SHISA9: variants seen among roughly 807,000 people sequenced by gnomAD.
SHISA9 encodes the protein shisa family member 9, also known as protein shisa-9.
Under a neutral mutation model 38.0 loss-of-function variants are expected in SHISA9, and 13 were observed. The ratio of observed to expected loss-of-function variants is 0.34; its 90% CI spans 0.22 to 0.54. The LOEUF (loss-of-function observed/expected upper bound fraction) is 0.54, where lower values mean the gene tolerates loss of function less well. SHISA9 is among the 20% of genes least tolerant of loss of function. SHISA9 has a pLI of 0.91. For missense variants in SHISA9, 538 were observed against 575.8 expected (o/e 0.93, Z 0.67); for synonymous variants, 275 against 242.0 (o/e 1.14, Z -1.27).
At chr16:13,402,252 A>G in the SHISA9 span, among the ~76,000 whole-genome samples, 3 of 152,140 alleles carry the variant, frequency 2.0e-5, no homozygotes. Context: ...AGTGCAATTC[A>G]GTCTGAGTTC....
In SHISA9 at chr16:13,000,326, A is replaced by G. The variant is rs180738442; in HGVS notation, c.691+83511A>G. 1.1e-3 allele frequency among the ~76,000 whole-genome samples: 170 copies of G among 152,264 alleles called. 2 individuals carry two copies. The highest frequency in any genetic ancestry group is 4.0e-3 in the African/African-American group (165 of 41,556). ...ATTAAGGGAGCTGCCCTTGGGAGAA[A>G]CTGTGAGGAAATAGGAAAGCAAGAG... On this transcript the variant is annotated intron_variant, in intron 2 of 4. Coordinates refer to ENST00000558583, the MANE Select transcript of SHISA9 (RefSeq NM_001145204.3).
chr16:13,482,453 T>C, the SHISA9 span, among the ~76,000 whole-genome samples: 13 of 152,234 alleles, frequency 8.5e-5, no homozygotes, highest in South Asian at 6.2e-4. Context: ...ACAACAGTTA[T>C]GTCATTAATA....
At chr16:13,208,434 TTTTTTTTTC>T (rs1285700650) in intron 3 of SHISA9, among the ~76,000 whole-genome samples, 5 of 65,678 alleles carry the variant, frequency 7.6e-5, no homozygotes, top group East Asian at 6.1e-4. Flanking sequence ...TTTCTTTTTC[TTTTTTTTTC>T]TTTTTTTTTT....
intron 2 of SHISA9, among the ~76,000 whole-genome samples, chr16:13,187,846 G>A (rs1377831225): frequency 6.6e-6 from 1 of 152,116 alleles, no homozygotes; most frequent in Non-Finnish European, 1.5e-5. Context: ...GCTTCCACAC[G>A]TTGACCATGT....
chr16:13,019,840 T>TTTCTTTC (rs1567183905), intron 2 of SHISA9, among the ~76,000 whole-genome samples: 1 of 66,818 alleles, frequency 1.5e-5, no homozygotes, highest in Non-Finnish European at 2.8e-5. Flanking sequence ...TTCTTTTTCC[T>TTTCTTTC]TCCTTCCCTC....
chr16:12,948,814 C>G (rs2071718850), intron 2 of SHISA9, among the ~76,000 whole-genome samples: 1 of 152,138 alleles, frequency 6.6e-6, no homozygotes, highest in Non-Finnish European at 1.5e-5. Context: ...TAGCAATATC[C>G]TTCTAGGATT....
chr16:13,548,933 A>C, the SHISA9 span, among the ~76,000 whole-genome samples: 1 of 152,248 alleles, frequency 6.6e-6, no homozygotes, highest in Non-Finnish European at 1.5e-5. Context: ...GCAACACTTT[A>C]CACAATAGCC....
chr16:13,387,194 C>CA, the SHISA9 span, among the ~76,000 whole-genome samples: 1 of 152,114 alleles, frequency 6.6e-6, no homozygotes, highest in South Asian at 2.1e-4. Context: ...TGTGGTATCC[C>CA]AAAAAATGTA....
At chr16:13,500,365 G>A in the SHISA9 span, among the ~76,000 whole-genome samples, 1 of 152,126 alleles carries the variant, frequency 6.6e-6, no homozygotes, top group Non-Finnish European at 1.5e-5. Flanking sequence ...CCAGTCTCAG[G>A]TATGTCTTCA....
At chr16:13,208,511 G>A (rs999001980) in intron 3 of SHISA9, among the ~76,000 whole-genome samples, 12 of 141,584 alleles carry the variant, frequency 8.5e-5, no homozygotes, top group Admixed American at 6.0e-4. Context: ...GCGCAATCTC[G>A]GCTCACCACA....
chr16:13,379,935 A>G, the SHISA9 span, among the ~76,000 whole-genome samples: 1 of 152,214 alleles, frequency 6.6e-6, no homozygotes, highest in Non-Finnish European at 1.5e-5. Context: ...CCCATGACAC[A>G]GGATACCATA....
chr16:13,412,275 G>T, the SHISA9 span, among the ~76,000 whole-genome samples: 1 of 152,228 alleles, frequency 6.6e-6, no homozygotes, highest in Admixed American at 6.5e-5. Context: ...CCTGTGAGGG[G>T]TCAGCACCAC....
the SHISA9 span, among the ~76,000 whole-genome samples, chr16:13,347,848 C>G: frequency 1.3e-4 from 2 of 15,168 alleles, no homozygotes; most frequent in Non-Finnish European, 5.9e-4. Context: ...TACCCCCCCA[C>G]AAAGATGTCC....
the SHISA9 span, among the ~76,000 whole-genome samples, chr16:13,274,430 T>A: frequency 1.0e-3 from 157 of 152,236 alleles, no homozygotes; most frequent in African/African-American, 3.6e-3. Context: ...TTGAAAAAAA[T>A]TTTCTTTCCC....
intron 2 of SHISA9, among the ~76,000 whole-genome samples, chr16:13,014,759 C>G (rs1184785311): frequency 2.0e-5 from 3 of 152,202 alleles, no homozygotes; most frequent in African/African-American, 7.2e-5. Context: ...TCCTCTTCCC[C>G]CATACAAATG....
intron 2 of SHISA9, among the ~76,000 whole-genome samples, chr16:12,953,794 G>A (rs979711767): frequency 3.9e-5 from 6 of 152,142 alleles, no homozygotes; most frequent in African/African-American, 1.4e-4. Context: ...ACATGGCTTG[G>A]GAGGCCTCAG....
intron 2 of SHISA9, among the ~76,000 whole-genome samples, chr16:13,147,460 G>C (rs1311200520): frequency 2.3e-5 from 3 of 131,562 alleles, no homozygotes; most frequent in Non-Finnish European, 4.8e-5. Context: ...TGTAAACTGA[G>C]CTTTTTTTTT....
chr16:13,012,524 G>A (rs2072691270), intron 2 of SHISA9, among the ~76,000 whole-genome samples: 1 of 152,130 alleles, frequency 6.6e-6, no homozygotes, highest in Admixed American at 6.5e-5. Context: ...CAAACAACTG[G>A]ACAAGGATGC....
chr16:13,268,880 C>T, the SHISA9 span, among the ~76,000 whole-genome samples: 1 of 152,092 alleles, frequency 6.6e-6, no homozygotes, highest in South Asian at 2.1e-4. Flanking sequence ...CACATGATAC[C>T]AGTTATACCC....
Sources: allele counts gnomAD v4.1 joint callset (sites outside exome capture counted in the v4.1 genomes callset), GRCh38; gene constraint gnomAD v4.1.1; transcripts MANE v1.5; gene names NCBI Gene and HGNC (gene_info 2026-07-23, HGNC 2026-07-21).